The following RUBCN variants were observed in gnomAD, a reference collection of about 807,000 sequenced individuals.
RUBCN encodes rubicon autophagy regulator, also known as run domain Beclin-1-interacting and cysteine-rich domain-containing protein.
In RUBCN, 74 loss-of-function variants were observed where a neutral mutation model predicts 113.2. The ratio of observed to expected loss-of-function variants is 0.65; its 90% confidence interval spans 0.54 to 0.79. The LOEUF (loss-of-function observed/expected upper bound fraction) is 0.79. Ranked by LOEUF, RUBCN falls within the 30% of genes least tolerant of loss-of-function variation. The pLI is 0.00. For synonymous variants in RUBCN, 480 were observed against 490.0 expected, an observed-to-expected ratio of 0.98 and a Z score of 0.27; for missense variants, 1,109 against 1,251.7, an observed-to-expected ratio of 0.89 and a Z score of 1.72.
rs1054194104 is a variant in RUBCN at position 197,672,744 on chromosome 3, G to C, written c.*2274C>G. On this transcript the variant is annotated 3_prime_UTR_variant, in exon 20 of 20. Coordinates refer to ENST00000296343, the MANE Select transcript of RUBCN (RefSeq NM_014687.4). Reference sequence around the variant, plus strand: ...GTCTCACTCTGTCACCCAGGCTGGAGTGCGGTGGCGCAATCTCGGCTCACT... The same window carrying C: ...GTCTCACTCTGTCACCCAGGCTGGACTGCGGTGGCGCAATCTCGGCTCACT... 3 of 152,484 alleles carry C rather than the reference G, an allele frequency of 2.0e-5. No homozygotes were observed. The highest frequency in any genetic ancestry group is 2.0e-4 in the Admixed American group (3 of 15,296). The allele number at this position is 152,484 out of a possible 1,614,324, so 9.4% of individuals were successfully genotyped here.
intron 11 of RUBCN, among the ~76,000 whole-genome samples, chr3:197,692,448 G>C (rs1014028234): frequency 6.6e-6 from 1 of 151,596 alleles, no homozygotes; most frequent in Admixed American, 6.6e-5. Context: ...GAAGGGGGTC[G>C]TGGGAATCTC....
chr3:197,730,209 TCTA>T (rs1248612001), intron 1 of RUBCN, among the ~76,000 whole-genome samples: 1 of 152,190 alleles, frequency 6.6e-6, no homozygotes, highest in Non-Finnish European at 1.5e-5. Flanking sequence ...GAACCACCTC[TCTA>T]CTACTTACTC....
chr3:197,715,863 T>G (rs1390491559), intron 2 of RUBCN, among the ~76,000 whole-genome samples: 3 of 152,224 alleles, frequency 2.0e-5, no homozygotes, highest in Non-Finnish European at 4.4e-5. Context: ...GAAAGCACAT[T>G]AATTCTTTCT....
upstream of RUBCN, among the ~76,000 whole-genome samples, chr3:197,739,206 G>T (rs538547292): frequency 8.6e-5 from 13 of 151,836 alleles, no homozygotes; most frequent in African/African-American, 3.1e-4. Flanking sequence ...CTCCCAAAGT[G>T]CTGGGATTAC....
chr3:197,693,262 C>A (rs916405527), intron 11 of RUBCN, among the ~76,000 whole-genome samples: 8 of 152,248 alleles, frequency 5.3e-5, no homozygotes, highest in Non-Finnish European at 1.2e-4. Context: ...GGCAGAAATT[C>A]AAGCTCTACT....
At position 197,679,634 on chromosome 3, in the gene RUBCN, G is replaced by A. The variant is rs1253329367; in HGVS notation, c.2430+1495C>T. 2.7e-3 allele frequency among the ~76,000 whole-genome samples: 391 copies of A among 143,456 alleles called. 3 individuals carry two copies. The highest frequency in any genetic ancestry group is 4.8e-3 in the South Asian group (21 of 4,348). The allele number at this position is 143,456 out of a possible 152,430, so 94.1% of individuals were successfully genotyped here. A position where few individuals can be genotyped will look rare whatever the true frequency, so the allele number is the denominator to read the frequency against. On this transcript the variant is annotated intron_variant, in intron 16 of 19. Coordinates refer to ENST00000296343, the MANE Select transcript of RUBCN (RefSeq NM_014687.4). Reference sequence around the variant, plus strand: ...GACAACTGGCTTCAGACTGTCCTACGCTCTAACTGACAACTGGCTTCAGAC... The same window carrying A: ...GACAACTGGCTTCAGACTGTCCTACACTCTAACTGACAACTGGCTTCAGAC...
chr3:197,680,363 C>A (rs1250172588), intron 16 of RUBCN, among the ~76,000 whole-genome samples: 6 of 148,184 alleles, frequency 4.0e-5, no homozygotes, highest in Non-Finnish European at 8.9e-5. Context: ...CTCTAACTGA[C>A]AACTGGCTCC....
At chr3:197,737,222 A>G (rs1486663963), upstream of RUBCN, 2 of 166,386 alleles carry the variant, frequency 1.2e-5, no homozygotes, top group African/African-American at 4.8e-5. Context: ...CTGGGGACCG[A>G]ACTCAGTCCG....
intron 2 of RUBCN, among the ~76,000 whole-genome samples, chr3:197,706,647 A>G (rs1724329603): frequency 6.6e-6 from 1 of 152,038 alleles, no homozygotes; most frequent in Non-Finnish European, 1.5e-5. Context: ...TCGTGCTACT[A>G]CACTCCAGCC....
At chr3:197,705,566 G>GAAAAAAAAAA (rs1023962921) in intron 2 of RUBCN, among the ~76,000 whole-genome samples, 2 of 42,502 alleles carry the variant, frequency 4.7e-5, no homozygotes, top group Admixed American at 2.7e-4. Flanking sequence ...CCCTAACTCA[G>GAAAAAAAAAA]AAAAAAAAAA....
chr3:197,736,972 C>T (rs1232400200), upstream of RUBCN: 2 of 1,279,424 alleles, frequency 1.6e-6, no homozygotes, highest in East Asian at 3.5e-5. Flanking sequence ...TCCCGCAGGA[C>T]GCGTCCTCCA....
Position 197,692,866 on chromosome 3 carries a change from A to G in RUBCN, c.1786+849T>C, listed in dbSNP as rs190906522. On this transcript the variant is annotated intron_variant, in intron 11 of 19. Transcript: ENST00000296343. The stretch of plus-strand genomic sequence containing the variant: ...CTCTAGATTGTGTAAACAGGAAATC[A>G]AAGCCTCTTGCAACACAAGACCTAT... Among the ~76,000 whole-genome samples, 328 of 152,360 alleles carry G rather than the reference A, an allele frequency of 2.2e-3. 2 individuals carry two copies. Among genetic ancestry groups the G allele is most frequent in the Non-Finnish European group, 2.9e-3 (199 of 68,046 alleles).
rs1027996925 is a variant in RUBCN, at chr3:197,749,511, AG to A, written c.-359del. On this transcript the variant is annotated 5_prime_UTR_variant, in exon 1 of 21. Transcript: ENST00000273582. ...GGATGCAGCTGCAATCTACACTCGCAGGGGTCTGTCCTGCCTCCCGAGGCTG... is the reference window on the plus strand; with the variant it reads ...GGATGCAGCTGCAATCTACACTCGCAGGGTCTGTCCTGCCTCCCGAGGCTG... 1.2e-5 allele frequency: 16 copies of A among 1,288,696 alleles called. No homozygotes were observed. The Admixed American group carries it at 3.7e-4, about 30-fold the overall frequency. The allele number at this position is 1,288,696 out of a possible 1,614,324, so 79.8% of individuals were successfully genotyped here. A position where few individuals can be genotyped will look rare whatever the true frequency, so the allele number is the denominator to read the frequency against.
chr3:197,740,899 G>A (rs1310122836), upstream of RUBCN, among the ~76,000 whole-genome samples: 2 of 152,094 alleles, frequency 1.3e-5, no homozygotes. Flanking sequence ...GGGATTACAC[G>A]TGTGAGCCAC....
chr3:197,703,570 A>G lies in RUBCN; in HGVS notation c.548T>C (p.Leu183Pro). The change falls in exon 5 of 20, where the codon CTG becomes CCG. Residue 183 changes from leucine to proline, a missense_variant. Leu to Pro is a moderately conservative substitution (Grantham distance 98, BLOSUM62 -3). Around this residue, in one of 3 missense-constraint regions of RUBCN, gnomAD observed 736 missense variants for 779.6 expected, o/e 0.94. Transcript: ENST00000296343. ...TACCATGGACGCATCGATCTGAGCC[A>G]GGAGGCGGGGGTTGTTCTGTTCCAC... ...EAVEQNNPRL[L>P]AQIDASMFAR... The G allele has an allele frequency of 6.2e-7, 1 of 1,613,292 alleles. No homozygotes were observed. The highest frequency in any genetic ancestry group is 8.5e-7 in the Non-Finnish European group (1 of 1,179,274).
intron 1 of RUBCN, among the ~76,000 whole-genome samples, chr3:197,734,763 G>A (rs1384640255): frequency 6.6e-6 from 1 of 152,140 alleles, no homozygotes; most frequent in African/African-American, 2.4e-5. Flanking sequence ...CCTTTCACAC[G>A]AAGCACGTCA....
upstream of RUBCN, among the ~76,000 whole-genome samples, chr3:197,738,412 T>G (rs1191428520): frequency 6.6e-6 from 1 of 152,234 alleles, no homozygotes; most frequent in Non-Finnish European, 1.5e-5. Flanking sequence ...ATTTTCAAAC[T>G]TGACAAAAGT....
At chr3:197,708,528 A>T (rs1724580744) in intron 2 of RUBCN, among the ~76,000 whole-genome samples, 1 of 150,524 alleles carries the variant, frequency 6.6e-6, no homozygotes, top group Non-Finnish European at 1.5e-5. Context: ...TGCTACGAAG[A>T]AAAAAAAAGA....
intron 7 of RUBCN, among the ~76,000 whole-genome samples, chr3:197,698,001 T>TA (rs1723200430): frequency 6.6e-6 from 1 of 152,188 alleles, no homozygotes. Flanking sequence ...GACAAACTAG[T>TA]AGTCGCCACG....
Sources: gnomAD v4.1 joint callset for allele counts (sites outside exome capture counted in the v4.1 genomes callset) on GRCh38, gnomAD v4.1.1 for gene constraint, gnomAD v4.1.1 regional missense constraint, MANE v1.5 for transcripts, NCBI Gene and HGNC (gene_info 2026-07-23, HGNC 2026-07-21) for gene names.